Variants in CELF2 observed in about 807,000 individuals in gnomAD.
CELF2 encodes the protein CUG triplet repeat RNA-binding protein 2.
CELF2 carries 8 observed loss-of-function variants against 62.6 expected under a neutral mutation model. The ratio of observed to expected loss-of-function variants is 0.13; its 90% CI spans 0.07 to 0.23. The LOEUF (loss-of-function observed/expected upper bound fraction) is 0.23. Among genes scored for constraint, CELF2 ranks in the 10% least tolerant of loss-of-function variants. The probability of loss-of-function intolerance (pLI) is 1.00; values close to 1 mark genes in which losing one functional copy is unlikely to be tolerated. For synonymous variants in CELF2, 258 were observed against 250.0 expected (o/e 1.03, Z -0.30); for missense variants, 333 against 671.0 (o/e 0.50, Z 5.56).
chr10:10,656,940 C>G, the CELF2 span, among the ~76,000 whole-genome samples: 1 of 143,554 alleles, frequency 7.0e-6, no homozygotes, highest in Admixed American at 6.9e-5. Context: ...AAAAAGAAAA[C>G]GTGTCCACAC....
chr10:10,766,412 C>A, the CELF2 span, among the ~76,000 whole-genome samples: 2 of 152,088 alleles, frequency 1.3e-5, no homozygotes, highest in Admixed American at 6.5e-5. Context: ...TAGGTAGAGA[C>A]CTGCAGGGGA....
At chr10:11,093,702 G>A (rs1485838651) in intron 1 of CELF2, among the ~76,000 whole-genome samples, 3 of 152,052 alleles carry the variant, frequency 2.0e-5, no homozygotes, top group African/African-American at 7.2e-5. Flanking sequence ...TACATGCCTT[G>A]TCCAGGCCCT....
At chr10:11,230,965 C>G (rs1195018474) in intron 3 of CELF2, among the ~76,000 whole-genome samples, 1 of 152,174 alleles carries the variant, frequency 6.6e-6, no homozygotes, top group African/African-American at 2.4e-5. Context: ...CATTTATTAC[C>G]CTGTGTCTCT....
intron 3 of CELF2, among the ~76,000 whole-genome samples, chr10:11,229,894 A>G (rs1277643818): frequency 6.6e-6 from 1 of 152,122 alleles, no homozygotes; most frequent in Admixed American, 6.5e-5. Context: ...CCAGCCTAGT[A>G]TTTTTACAGC....
intron 7 of CELF2, among the ~76,000 whole-genome samples, chr10:11,271,464 G>A (rs1426683552): frequency 1.3e-5 from 2 of 152,184 alleles, no homozygotes; most frequent in African/African-American, 4.8e-5. Context: ...GAACAGGACG[G>A]AGTAGTAACC....
intron 1 of CELF2, among the ~76,000 whole-genome samples, chr10:10,862,361 T>G (rs1324424592): frequency 6.6e-6 from 1 of 151,988 alleles, no homozygotes; most frequent in Non-Finnish European, 1.5e-5. Flanking sequence ...TCTACTGGGG[T>G]GTGTATTCAG....
intron 3 of CELF2, among the ~76,000 whole-genome samples, chr10:11,236,872 G>A (rs2071551291): frequency 6.6e-6 from 1 of 152,168 alleles, no homozygotes; most frequent in South Asian, 2.1e-4. Context: ...TCATGGAATA[G>A]GGGGTTGCCT....
chr10:10,723,441 G>T, the CELF2 span, among the ~76,000 whole-genome samples: 1 of 152,212 alleles, frequency 6.6e-6, no homozygotes, highest in Non-Finnish European at 1.5e-5. Flanking sequence ...AGGACTCCAT[G>T]AGTGTTTTGC....
Position 11,329,130 on chromosome 10 carries a change from G to C in CELF2, c.*77G>C. ...CCACGAGCCAGCCTGTCTCAACAGGGAAGGCAGAGGAGGACCACATTGCCA... is the reference window on the plus strand; with the variant it reads ...CCACGAGCCAGCCTGTCTCAACAGGCAAGGCAGAGGAGGACCACATTGCCA... On this transcript the variant is annotated 3_prime_UTR_variant, in exon 13 of 13. Coordinates refer to ENST00000633077, the MANE Select transcript of CELF2 (RefSeq NM_001326342.2). This position sits in a 1 kb window ranked among gnomAD's most constrained non-coding sequence, Gnocchi z 5.5. 6.9e-7 allele frequency: 1 copy of C among 1,448,696 alleles called. No homozygotes were observed. Among genetic ancestry groups the C allele is most frequent in the Non-Finnish European group, 9.3e-7 (1 of 1,080,280 alleles). The allele number at this position is 1,448,696 out of a possible 1,614,324, so 89.7% of individuals were successfully genotyped here.
At chr10:11,118,771 A>G (rs770833460) in intron 1 of CELF2, among the ~76,000 whole-genome samples, 2 of 152,204 alleles carry the variant, frequency 1.3e-5, no homozygotes, top group Non-Finnish European at 2.9e-5. Context: ...AAAAGCCTGT[A>G]GTGTTATTTT....
At chr10:10,713,093 A>T in the CELF2 span, among the ~76,000 whole-genome samples, 1 of 152,212 alleles carries the variant, frequency 6.6e-6, no homozygotes, top group African/African-American at 2.4e-5. Context: ...TGCTTCCATT[A>T]GAAAACCTTT....
chr10:10,482,526 A>G, the CELF2 span, among the ~76,000 whole-genome samples: 1 of 152,220 alleles, frequency 6.6e-6, no homozygotes, highest in Non-Finnish European at 1.5e-5. Flanking sequence ...GCCAGTAGGT[A>G]TTGTAAATAT....
the CELF2 span, chr10:10,784,634 ATTC>A: frequency 6.5e-6 from 1 of 152,676 alleles, no homozygotes; most frequent in East Asian, 1.9e-4. Context: ...TTGCCACTCC[ATTC>A]TTCTGTTCTT....
chr10:10,703,755 A>G, the CELF2 span, among the ~76,000 whole-genome samples: 3 of 152,202 alleles, frequency 2.0e-5, no homozygotes, highest in African/African-American at 7.2e-5. Context: ...TCCCAACATT[A>G]CCCCTGAGTA....
intron 1 of CELF2, among the ~76,000 whole-genome samples, chr10:11,155,398 C>T (rs1018503161): frequency 6.6e-6 from 1 of 152,134 alleles, no homozygotes; most frequent in African/African-American, 2.4e-5. Flanking sequence ...TATTGCAGAG[C>T]CTCCCTTTTG....
chr10:10,973,541 C>T (rs966941859), intron 2 of CELF2, among the ~76,000 whole-genome samples: 10 of 152,082 alleles, frequency 6.6e-5, no homozygotes, highest in Non-Finnish European at 1.3e-4. Context: ...GGACCAGTTG[C>T]CAGCTCTTTA....
the CELF2 span, among the ~76,000 whole-genome samples, chr10:10,549,610 T>G: frequency 5.3e-5 from 8 of 152,280 alleles, no homozygotes; most frequent in East Asian, 1.6e-3. Context: ...GCAGCCTCTC[T>G]TCTTGGCTTG....
At chr10:11,281,255 A>G (rs929853766) in intron 8 of CELF2, among the ~76,000 whole-genome samples, 19 of 152,108 alleles carry the variant, frequency 1.2e-4, no homozygotes, top group African/African-American at 4.6e-4. Context: ...ATACTTTTTC[A>G]TAAAATGTCA....
the CELF2 span, among the ~76,000 whole-genome samples, chr10:10,586,640 C>T: frequency 6.6e-5 from 10 of 152,174 alleles, no homozygotes; most frequent in Non-Finnish European, 2.9e-5. Flanking sequence ...ATCATGCTCA[C>T]TACCTGGGTG....
Sources: gnomAD v4.1 joint callset for allele counts (sites outside exome capture counted in the v4.1 genomes callset) on GRCh38, gnomAD v4.1.1 for gene constraint, Gnocchi (gnomAD v3.1) non-coding constraint, MANE v1.5 for transcripts, NCBI Gene and HGNC (gene_info 2026-07-23, HGNC 2026-07-21) for gene names.